SOS1: variants seen among roughly 807,000 people sequenced by gnomAD.
SOS1 encodes SOS Ras/Rac guanine nucleotide exchange factor 1.
SOS1 carries 25 observed loss-of-function variants against 157.6 expected under a neutral mutation model. The observed-to-expected ratio is 0.16, with a 90% confidence interval of 0.12 to 0.22. SOS1 has a LOEUF of 0.22. Ranked by LOEUF, SOS1 falls within the 10% of genes least tolerant of loss-of-function variation. SOS1 has a pLI of 1.00. For synonymous variants in SOS1, 528 were observed against 534.0 expected (o/e 0.99, Z 0.16); for missense variants, 1,237 against 1,599.1 (o/e 0.77, Z 3.86).
At chr2:39,042,260 T>C (rs1418780540) in intron 6 of SOS1, among the ~76,000 whole-genome samples, 1 of 152,176 alleles carries the variant, frequency 6.6e-6, no homozygotes, top group East Asian at 1.9e-4. Context: ...ATGTGAATTT[T>C]AGGATCAGCT....
intron 1 of SOS1, among the ~76,000 whole-genome samples, chr2:39,096,681 C>T (rs995084173): frequency 6.6e-6 from 1 of 151,972 alleles, no homozygotes; most frequent in Non-Finnish European, 1.5e-5. Context: ...GTCAGGAGAT[C>T]GAGACCATCT....
intron 6 of SOS1, among the ~76,000 whole-genome samples, chr2:39,045,273 AGTGTGTGT>A (rs60673777): frequency 9.3e-6 from 1 of 108,090 alleles, no homozygotes; most frequent in South Asian, 3.3e-4. Context: ...AGAGAGAGAG[AGTGTGTGT>A]GTGTGTGTGT....
At chr2:39,110,749 T>C (rs1673396346) in intron 1 of SOS1, among the ~76,000 whole-genome samples, 1 of 152,178 alleles carries the variant, frequency 6.6e-6, no homozygotes, top group Admixed American at 6.5e-5. Flanking sequence ...AAAGGGTTCT[T>C]AGATATAAGA....
intron 1 of SOS1, among the ~76,000 whole-genome samples, chr2:39,093,032 T>C (rs943903522): frequency 3.9e-5 from 6 of 152,234 alleles, no homozygotes; most frequent in African/African-American, 1.2e-4. Flanking sequence ...ACGTTAAGCA[T>C]ATACAAAGAT....
intron 1 of SOS1, among the ~76,000 whole-genome samples, chr2:39,077,012 T>C (rs1164727729): frequency 4.6e-5 from 7 of 152,120 alleles, no homozygotes; most frequent in Non-Finnish European, 5.9e-5. Flanking sequence ...AATAAAGTAA[T>C]AGAATAATTA....
intron 1 of SOS1, among the ~76,000 whole-genome samples, chr2:39,081,598 G>A (rs1202649972): frequency 2.0e-5 from 3 of 151,954 alleles, no homozygotes; most frequent in African/African-American, 7.3e-5. Context: ...GCCAAGGCAG[G>A]CAGATTACCT....
At chr2:39,038,990 A>G (rs1275932648) in intron 6 of SOS1, among the ~76,000 whole-genome samples, 3 of 151,986 alleles carry the variant, frequency 2.0e-5, no homozygotes, top group Non-Finnish European at 2.9e-5. Flanking sequence ...ATTGTTGCTT[A>G]TTATTTAAAC....
At chr2:39,090,744 A>G (rs1572885522) in intron 1 of SOS1, among the ~76,000 whole-genome samples, 1 of 152,106 alleles carries the variant, frequency 6.6e-6, no homozygotes, top group Admixed American at 6.6e-5. Context: ...AGTGCTTATC[A>G]CATCTTTTTA....
chr2:39,034,486 G>A (rs956755154), intron 8 of SOS1, among the ~76,000 whole-genome samples: 4 of 152,160 alleles, frequency 2.6e-5, no homozygotes, highest in Admixed American at 1.3e-4. Context: ...ATTAATGCAT[G>A]TCTTCTTTTG....
chr2:38,991,826 A>C (rs531232455), intron 20 of SOS1, among the ~76,000 whole-genome samples: 69 of 151,796 alleles, frequency 4.5e-4, no homozygotes, highest in Middle Eastern at 3.4e-3. Context: ...TTCCCAGTGA[A>C]GACGTGTAAG....
At chr2:39,042,571 T>G (rs1670607907) in intron 6 of SOS1, among the ~76,000 whole-genome samples, 1 of 151,874 alleles carries the variant, frequency 6.6e-6, no homozygotes, top group Non-Finnish European at 1.5e-5. Flanking sequence ...GCCCAGCTAA[T>G]TTTTTGTACT....
chr2:39,098,344 T>C (rs1438029693), intron 1 of SOS1: 3 of 257,268 alleles, frequency 1.2e-5, no homozygotes, highest in African/African-American at 4.6e-5. Context: ...CCTTGAGATT[T>C]TTCTGGAAGC....
chr2:39,067,332 A>T (rs960958692), intron 2 of SOS1, among the ~76,000 whole-genome samples: 2 of 152,110 alleles, frequency 1.3e-5, no homozygotes, highest in Admixed American at 6.5e-5. Flanking sequence ...AAACTTCTAG[A>T]TGCTGACATG....
In SOS1 at chr2:38,991,611, G is replaced by C. The variant is rs74455961; in HGVS notation, c.3347-2297C>G. Among the ~76,000 whole-genome samples, 30 of 152,314 alleles carry C rather than the reference G, an allele frequency of 2.0e-4. No individual in the cohort carries two copies. In the East Asian group the frequency reaches 5.6e-3, roughly 28 times the overall value. ...AGGGCAAGGTGTGGAGCAGGGCTTT[G>C]AATGTATGTGTGGCAGCACTAAGTA... On this transcript the variant is annotated intron_variant, in intron 20 of 22. Coordinates refer to ENST00000402219, the MANE Select transcript of SOS1 (RefSeq NM_005633.4).
At chr2:38,997,852 C>A (rs888184403) in intron 17 of SOS1, among the ~76,000 whole-genome samples, 1 of 152,064 alleles carries the variant, frequency 6.6e-6, no homozygotes, top group Non-Finnish European at 1.5e-5. Context: ...AGAATAACTT[C>A]GTCACTAATG....
At chr2:39,055,770 C>T (rs1671192542) in intron 4 of SOS1, among the ~76,000 whole-genome samples, 1 of 152,150 alleles carries the variant, frequency 6.6e-6, no homozygotes, top group Non-Finnish European at 1.5e-5. Flanking sequence ...AAGTGAACAT[C>T]CTTAGGTAAT....
intron 1 of SOS1, among the ~76,000 whole-genome samples, chr2:39,074,667 A>G (rs1194328487): frequency 6.6e-6 from 1 of 152,190 alleles, no homozygotes; most frequent in Non-Finnish European, 1.5e-5. Context: ...CAGGAGTTCA[A>G]GACCAGCCTG....
intron 1 of SOS1, among the ~76,000 whole-genome samples, chr2:39,106,271 A>G (rs373800244): frequency 1.3e-5 from 2 of 151,918 alleles, no homozygotes; most frequent in African/African-American, 4.8e-5. Context: ...TTCCTGTTAC[A>G]GTTTTAAAAA....
At chr2:39,109,795 A>C (rs1403644384) in intron 1 of SOS1, among the ~76,000 whole-genome samples, 2 of 152,230 alleles carry the variant, frequency 1.3e-5, no homozygotes, top group Non-Finnish European at 2.9e-5. Flanking sequence ...TGCCTAGGAT[A>C]CTGGCACATA....
Sources: allele counts gnomAD v4.1 joint callset (sites outside exome capture counted in the v4.1 genomes callset), GRCh38; gene constraint gnomAD v4.1.1; transcripts MANE v1.5; gene names NCBI Gene and HGNC (gene_info 2026-07-23, HGNC 2026-07-21).